Variants in DSCAML1 observed in about 807,000 individuals in gnomAD.
DSCAML1 encodes cell adhesion molecule DSCAML1.
A neutral mutation model predicts 200.5 loss-of-function variants in DSCAML1; 38 were observed. The observed-to-expected ratio is 0.19, with a 90% CI of 0.15 to 0.25. The LOEUF (loss-of-function observed/expected upper bound fraction) is 0.25, where lower values mean the gene tolerates loss of function less well. DSCAML1 is among the 10% of genes least tolerant of loss of function. DSCAML1 has a pLI of 1.00. For synonymous variants in DSCAML1, 1,215 were observed against 1,165.0 expected (o/e 1.04, Z -0.87); for missense variants, 2,223 against 2,858.8 (o/e 0.78, Z 5.07).
intron 1 of DSCAML1, among the ~76,000 whole-genome samples, chr11:117,806,693 G>A (rs762062284): frequency 2.6e-5 from 4 of 152,208 alleles, no homozygotes; most frequent in Admixed American, 2.6e-4. Context: ...TTCACGCAGC[G>A]TCAGATGCTC....
intron 3 of DSCAML1, among the ~76,000 whole-genome samples, chr11:117,561,459 G>A (rs1324224862): frequency 4.6e-5 from 7 of 152,200 alleles, no homozygotes; most frequent in South Asian, 2.1e-4. Context: ...CGGCTATGGG[G>A]ATGAAATCTG....
At chr11:117,799,733 G>A (rs2055639303), upstream of DSCAML1, among the ~76,000 whole-genome samples, 1 of 152,258 alleles carries the variant, frequency 6.6e-6, no homozygotes, top group Non-Finnish European at 1.5e-5. Context: ...AAATGTATGT[G>A]TGCCAAGCTG....
At chr11:117,800,986 C>T (rs1158156974), upstream of DSCAML1, 1 of 152,156 alleles carries the variant, frequency 6.6e-6, no homozygotes, top group East Asian at 1.9e-4. Flanking sequence ...TGAGTATAAA[C>T]AGGGTTTTCA....
intron 11 of DSCAML1, among the ~76,000 whole-genome samples, chr11:117,502,120 T>A (rs2049406483): frequency 6.6e-6 from 1 of 152,040 alleles, no homozygotes; most frequent in African/African-American, 2.4e-5. Flanking sequence ...GAGGATGGCA[T>A]AGGAAAAGTA....
chr11:117,552,959 C>T (rs1444081824), intron 3 of DSCAML1, among the ~76,000 whole-genome samples: 1 of 152,210 alleles, frequency 6.6e-6, no homozygotes, highest in Non-Finnish European at 1.5e-5. Flanking sequence ...GTTGGGAAGA[C>T]ACTGCTTGCT....
At chr11:117,685,011 C>A (rs992968670) in intron 3 of DSCAML1, among the ~76,000 whole-genome samples, 1 of 152,224 alleles carries the variant, frequency 6.6e-6, no homozygotes, top group Non-Finnish European at 1.5e-5. Flanking sequence ...CCTGTTGAGG[C>A]CCCTGTCCCA....
At chr11:117,454,903 G>A (rs912799550) in intron 19 of DSCAML1, among the ~76,000 whole-genome samples, 2 of 152,182 alleles carry the variant, frequency 1.3e-5, no homozygotes, top group Admixed American at 6.5e-5. Flanking sequence ...ACCTCTAAGT[G>A]AGGGGGATTC....
rs1355637779 is a variant in DSCAML1, at chr11:117,568,829, C to T, written c.512-36307G>A. Reference sequence around the variant, plus strand: ...TTTACAGATTCAATGCCATCACCATCAGGCTACCAATGACTTTCTTCAAGA... The same window carrying T: ...TTTACAGATTCAATGCCATCACCATTAGGCTACCAATGACTTTCTTCAAGA... On this transcript the variant is annotated intron_variant, in intron 3 of 32. Coordinates refer to ENST00000651296, the MANE Select transcript of DSCAML1 (RefSeq NM_020693.4). Among the ~76,000 whole-genome samples, 3 of 152,212 alleles carry T rather than the reference C, an allele frequency of 2.0e-5. No individual in the cohort carries two copies. The East Asian group carries it at 5.8e-4, about 29-fold the overall frequency.
chr11:117,652,418 C>T (rs546096365), intron 3 of DSCAML1, among the ~76,000 whole-genome samples: 31 of 152,342 alleles, frequency 2.0e-4, no homozygotes, highest in African/African-American at 6.7e-4. Flanking sequence ...TGTCCCACCA[C>T]GCCATGCCCT....
rs572206182 is a variant in DSCAML1, at chr11:117,664,707, C to T, written c.511+112084G>A. Among the ~76,000 whole-genome samples the T allele has an allele frequency of 7.9e-5, 12 of 152,284 alleles. No homozygotes were observed. In the East Asian group the frequency reaches 1.3e-3, roughly 17 times the overall value. ...TGTTATGAGTATTCATGGATTTTTG[C>T]GGAACTGTTTCCTGATGGCCTGGTT... On this transcript the variant is annotated intron_variant, in intron 3 of 32. Transcript: ENST00000651296.
chr11:117,805,909 C>T (rs2055704052), intron 1 of DSCAML1, among the ~76,000 whole-genome samples: 1 of 152,188 alleles, frequency 6.6e-6, no homozygotes, highest in South Asian at 2.1e-4. Context: ...GGGAGCATCT[C>T]CTGCAAGTGC....
chr11:117,662,446 G>T (rs963244813), intron 3 of DSCAML1, among the ~76,000 whole-genome samples: 7 of 152,268 alleles, frequency 4.6e-5, no homozygotes, highest in Non-Finnish European at 7.3e-5. Context: ...CTGCAATCCA[G>T]CCAACTGCAG....
intron 3 of DSCAML1, among the ~76,000 whole-genome samples, chr11:117,663,934 A>C (rs1025831307): frequency 1.3e-5 from 2 of 152,236 alleles, no homozygotes; most frequent in African/African-American, 4.8e-5. Context: ...AAAGAGCACC[A>C]GTGTTTCCGC....
rs60376380 is a variant in DSCAML1, at chr11:117,477,198, G to GACACACACACACACACACACACAC, written c.2785+3221_2785+3244dup. ...CCACAGGTGCAGGAAGCTGTCCTTA[G>GACACACACACACACACACACACAC]ACACACACACACACACACACACACA... On this transcript the variant is annotated intron_variant, in intron 14 of 32. Coordinates refer to ENST00000651296, the MANE Select transcript of DSCAML1 (RefSeq NM_020693.4). Among the ~76,000 whole-genome samples, 1,258 of 144,610 alleles carry GACACACACACACACACACACACAC rather than the reference G, an allele frequency of 8.7e-3. 21 individuals are homozygous for GACACACACACACACACACACACAC. Among genetic ancestry groups the GACACACACACACACACACACACAC allele is most frequent in the Non-Finnish European group, 0.01 (686 of 65,982 alleles). 94.9% of individuals were successfully genotyped at this position (144,610 alleles called of 152,430 possible). A position where few individuals can be genotyped will look rare whatever the true frequency, so the allele number is the denominator to read the frequency against.
intron 3 of DSCAML1, among the ~76,000 whole-genome samples, chr11:117,656,623 A>T (rs189700531): frequency 6.6e-6 from 1 of 152,280 alleles, no homozygotes; most frequent in Admixed American, 6.5e-5. Context: ...TCTTTTACAG[A>T]TGAAAAAAAT....
chr11:117,810,456 T>C (rs1350661104), intron 1 of DSCAML1, among the ~76,000 whole-genome samples: 1 of 151,920 alleles, frequency 6.6e-6, no homozygotes, highest in East Asian at 1.9e-4. Context: ...CTTATTTCCG[T>C]GCCCCAACCC....
At chr11:117,431,238 A>G (rs551032855) in intron 31 of DSCAML1, among the ~76,000 whole-genome samples, 16 of 152,214 alleles carry the variant, frequency 1.1e-4, no homozygotes, top group Non-Finnish European at 1.8e-4. Context: ...TCATTCTTGA[A>G]AATAAGCAAC....
At chr11:117,496,584 A>G (rs1447486705) in intron 11 of DSCAML1, among the ~76,000 whole-genome samples, 2 of 152,200 alleles carry the variant, frequency 1.3e-5, no homozygotes, top group Non-Finnish European at 2.9e-5. Context: ...TTTGTGATTC[A>G]TCTGGTCTCT....
chr11:117,543,454 T>C (rs1353882096), intron 3 of DSCAML1, among the ~76,000 whole-genome samples: 1 of 152,076 alleles, frequency 6.6e-6, no homozygotes, highest in East Asian at 1.9e-4. Context: ...TGCACTGGCA[T>C]GTGTACCTGC....
Sources: gnomAD v4.1 joint callset for allele counts (sites outside exome capture counted in the v4.1 genomes callset) on GRCh38, gnomAD v4.1.1 for gene constraint, MANE v1.5 for transcripts, NCBI Gene and HGNC (gene_info 2026-07-23, HGNC 2026-07-21) for gene names.